MARVELD2: variants seen among roughly 807,000 people sequenced by gnomAD.
The protein encoded by MARVELD2 is MARVEL domain-containing protein 2.
In MARVELD2, 49 loss-of-function variants were observed where a neutral mutation model predicts 57.6. That is an observed-to-expected ratio of 0.85 (90% CI 0.68 to 1.08). The LOEUF (loss-of-function observed/expected upper bound fraction) is 1.08, where lower values mean the gene tolerates loss of function less well. MARVELD2 is among the 50% of genes least tolerant of loss of function. The pLI, the probability that MARVELD2 is intolerant of heterozygous loss-of-function variation, is 0.00. For synonymous variants in MARVELD2, 238 were observed against 258.8 expected (o/e 0.92, Z 0.77); for missense variants, 606 against 701.1 (o/e 0.86, Z 1.53).
chr5:69,415,134 C>T lies in MARVELD2; in HGVS notation c.-52C>T, dbSNP rs1204840784. ...GGAGCCCGATACCGGTTTCAGAGTC[C>T]TGGGCAGCGTGCGCGCTCTTCCTGG... On this transcript the variant is annotated 5_prime_UTR_variant, in exon 1 of 7. Coordinates refer to ENST00000325631, the MANE Select transcript of MARVELD2 (RefSeq NM_001038603.3). 6.6e-6 allele frequency: 1 copy of T among 152,342 alleles called. No individual in the cohort carries two copies. The highest frequency in any genetic ancestry group is 1.5e-5 in the Non-Finnish European group (1 of 68,118). 9.4% of individuals were successfully genotyped at this position (152,342 alleles called of 1,614,324 possible).
chr5:69,437,777 AAGGGCTGC>A (rs1396479030), intron 5 of MARVELD2, among the ~76,000 whole-genome samples: 1 of 152,104 alleles, frequency 6.6e-6, no homozygotes, highest in Non-Finnish European at 1.5e-5. Context: ...ATGAATGGAC[AAGGGCTGC>A]AGCACATGGT....
In MARVELD2 at chr5:69,430,620, G is replaced by A. The variant is rs565002744; in HGVS notation, c.1183-1907G>A. ...ACAATCTCAGCTCCTTGCCACCTCCGCCTCCCGGGCTCAAGCCATTCTCCT... is the reference window on the plus strand; with the variant it reads ...ACAATCTCAGCTCCTTGCCACCTCCACCTCCCGGGCTCAAGCCATTCTCCT... On this transcript the variant is annotated intron_variant, in intron 3 of 6. Transcript: ENST00000325631. Among the ~76,000 whole-genome samples, 9 of 151,558 alleles carry A rather than the reference G, an allele frequency of 5.9e-5. No homozygotes were observed. The East Asian group carries it at 1.4e-3, about 24-fold the overall frequency.
Position 69,419,596 on chromosome 5 carries a change from A to G in MARVELD2, c.211A>G (p.Ile71Val), listed in dbSNP as rs150773481. The change falls in exon 2 of 7, where the codon ATA becomes GTA. Residue 71 changes from isoleucine (I) to valine (V), a missense_variant. Transcript: ENST00000325631. Reference sequence around the variant, plus strand: ...CTCAAGTGACACAGAAGAACCAGCTATAGCGCCAGATCTCAAACCAGTAAG... The same window carrying G: ...CTCAAGTGACACAGAAGAACCAGCTGTAGCGCCAGATCTCAAACCAGTAAG... Reference protein sequence around the residue: ...FYSSDTEEPAIAPDLKPVRRF... With the variant: ...FYSSDTEEPAVAPDLKPVRRF... 156 of 1,614,124 alleles carry G rather than the reference A, an allele frequency of 9.7e-5. No homozygotes were observed. The Middle Eastern group carries it at 2.8e-3, about 29-fold the overall frequency.
At chr5:69,424,696 C>A in intron 3 of MARVELD2, 60 bp downstream of exon 3, 1 of 1,307,590 alleles carries the variant, frequency 7.6e-7, no homozygotes, top group Non-Finnish European at 1.1e-6. Flanking sequence ...TCTCTTAGGT[C>A]TGTTTATCTA....
Position 69,440,490 on chromosome 5 carries a change from A to C in MARVELD2, c.1544A>C (p.Lys515Thr). The C allele has an allele frequency of 3.5e-6, 5 of 1,434,256 alleles. No individual in the cohort carries two copies. The highest frequency in any genetic ancestry group is 4.9e-6 in the Non-Finnish European group (5 of 1,020,254). 88.8% of individuals were successfully genotyped at this position (1,434,256 alleles called of 1,614,324 possible). A position where few individuals can be genotyped will look rare whatever the true frequency, so the allele number is the denominator to read the frequency against. The change falls in exon 6 of 7, where the codon AAA becomes ACA. Residue 515 changes from lysine (K) to threonine (T), a missense_variant. Physicochemically the swap from Lys to Thr is moderately conservative, Grantham distance 78. Coordinates refer to ENST00000325631, the MANE Select transcript of MARVELD2 (RefSeq NM_001038603.3). ...TCAAGAATCCATGAAGAGTTTAAGAAAAAAAAGAATGTGAGTAAAACAGTT... is the reference window on the plus strand; with the variant it reads ...TCAAGAATCCATGAAGAGTTTAAGACAAAAAAGAATGTGAGTAAAACAGTT... ...RISRIHEEFK[K>T]KKNDPTFLEK...
chr5:69,439,408 G>A (rs1014629657), intron 5 of MARVELD2, among the ~76,000 whole-genome samples: 6 of 151,532 alleles, frequency 4.0e-5, no homozygotes, highest in Non-Finnish European at 7.4e-5. Context: ...TGATCCACCC[G>A]CCTCAGCCTC....
At chr5:69,417,574 C>T (rs572336468) in intron 1 of MARVELD2, among the ~76,000 whole-genome samples, 2 of 152,242 alleles carry the variant, frequency 1.3e-5, no homozygotes, top group South Asian at 4.1e-4. Flanking sequence ...GTGGCCAAGG[C>T]AGGAGGATCG....
At chr5:69,422,088 C>T (rs565041059) in intron 2 of MARVELD2, among the ~76,000 whole-genome samples, 9 of 152,200 alleles carry the variant, frequency 5.9e-5, no homozygotes, top group Admixed American at 2.0e-4. Flanking sequence ...CTCTTAATCC[C>T]GTCATCTTCA....
intron 1 of MARVELD2, among the ~76,000 whole-genome samples, chr5:69,416,155 C>T (rs1265861115): frequency 1.3e-5 from 2 of 152,208 alleles, no homozygotes; most frequent in Admixed American, 6.5e-5. Flanking sequence ...ATAGCGTATC[C>T]TGTAAATGCT....
chr5:69,428,171 C>A, intron 3 of MARVELD2, among the ~76,000 whole-genome samples: 1 of 118,854 alleles, frequency 8.4e-6, no homozygotes, highest in Non-Finnish European at 1.8e-5. Context: ...AAGGTTCATC[C>A]AAAAAGAGCA....
chr5:69,433,321 C>T (rs778658229), intron 5 of MARVELD2, among the ~76,000 whole-genome samples: 7 of 151,596 alleles, frequency 4.6e-5, no homozygotes, highest in Non-Finnish European at 1.0e-4. Flanking sequence ...TGCCACCACA[C>T]GTAGCTAATT....
rs200849891 is a variant in MARVELD2 at position 69,420,307 on chromosome 5, G to C, written c.922G>C (p.Ala308Pro). 41 of 1,614,146 alleles carry C rather than the reference G, an allele frequency of 2.5e-5. No homozygotes were observed. The African/African-American group carries it at 4.8e-4, about 19-fold the overall frequency. ...CTTGTTTATTTTGTATATGGCCGCA[G>C]CCATAGTCTATGTGAATGATACCAA... ...VALFILYMAA[A>P]IVYVNDTNRG... Residue 308 changes from alanine to proline, a missense_variant, in exon 2 of 7, where the codon GCC (alanine) becomes CCC (proline). Transcript: ENST00000325631.
intron 3 of MARVELD2, 48 bp from the exon 4 acceptor site, chr5:69,432,479 T>C (rs1202892729): frequency 1.2e-6 from 2 of 1,600,294 alleles, no homozygotes; most frequent in African/African-American, 2.7e-5. Context: ...AGAGGGTTTT[T>C]TTCTACTTAT....
At chr5:69,422,412 T>G (rs1429783254) in intron 2 of MARVELD2, among the ~76,000 whole-genome samples, 2 of 150,936 alleles carry the variant, frequency 1.3e-5, no homozygotes, top group Non-Finnish European at 3.0e-5. Flanking sequence ...AATGGCCGCT[T>G]TGGGGATGGC....
At chr5:69,440,628 A>T (rs1767299443) in intron 6 of MARVELD2, 128 bp downstream of exon 6, 1 of 628,286 alleles carries the variant, frequency 1.6e-6, no homozygotes, top group Admixed American at 2.8e-5. Context: ...TTTAAGAGAA[A>T]ATGGCTGCTG....
In MARVELD2 at chr5:69,441,773, C is replaced by T. The variant is rs867209296; in HGVS notation, c.*119C>T. The T allele has an allele frequency of 4.0e-5, 28 of 695,506 alleles. No individual in the cohort carries two copies. Among genetic ancestry groups the T allele is most frequent in the Middle Eastern group, 4.4e-4 (1 of 2,252 alleles). 43.1% of individuals were successfully genotyped at this position (695,506 alleles called of 1,614,324 possible). A position where few individuals can be genotyped will look rare whatever the true frequency, so the allele number is the denominator to read the frequency against. On this transcript the variant is annotated 3_prime_UTR_variant, in exon 7 of 7. Coordinates refer to ENST00000325631, the MANE Select transcript of MARVELD2 (RefSeq NM_001038603.3). ...TCTCGGCTCACTGCAACCTCCACCT[C>T]CCGGGTTCAAGCAATTCTCCTGTTC...
At chr5:69,432,381 T>G in intron 3 of MARVELD2, 146 bp from the exon 4 acceptor site, 1 of 862,428 alleles carries the variant, frequency 1.2e-6, no homozygotes, top group Non-Finnish European at 1.9e-6. Flanking sequence ...CCTCATGTGA[T>G]CCTCCGGCTT....
rs904263527 is a variant in MARVELD2 at position 69,431,830 on chromosome 5, CTTTTTTTTTTT to C, written c.1183-683_1183-673del. Among the ~76,000 whole-genome samples, 187 of 97,850 alleles carry C rather than the reference CTTTTTTTTTTT, an allele frequency of 1.9e-3. 1 individual carries two copies. The highest frequency in any genetic ancestry group is 6.8e-3 in the Admixed American group (55 of 8,046). 64.2% of individuals were successfully genotyped at this position (97,850 alleles called of 152,430 possible). On this transcript the variant is annotated intron_variant, in intron 3 of 6. Coordinates refer to ENST00000325631, the MANE Select transcript of MARVELD2 (RefSeq NM_001038603.3). ...TCCTCCCCATTTTCTTCTTCTTCTT[CTTTTTTTTTTT>C]TTTTTTTTTTTTTGAGCCAGAGTCT... is the stretch of plus-strand genomic sequence containing the variant.
intron 5 of MARVELD2, 60 bp downstream of exon 5, chr5:69,433,153 CTT>C (rs11345515): frequency 0.018 from 8,365 of 469,766 alleles, no homozygotes; most frequent in Middle Eastern, 0.032. Flanking sequence ...TAAAATCTGG[CTT>C]TTTTTTTTTT....
Sources: allele counts gnomAD v4.1 joint callset (sites outside exome capture counted in the v4.1 genomes callset), GRCh38; gene constraint gnomAD v4.1.1; transcripts MANE v1.5; gene names NCBI Gene and HGNC (gene_info 2026-07-23, HGNC 2026-07-21).